AOPEP: variants seen among roughly 807,000 people sequenced by gnomAD.
AOPEP encodes the protein aminopeptidase O (putative).
AOPEP carries 77 observed loss-of-function variants against 98.1 expected under a neutral mutation model. The ratio of observed to expected loss-of-function variants is 0.78; its 90% CI spans 0.65 to 0.95. AOPEP has a LOEUF of 0.95. Ranked by LOEUF, AOPEP falls within the 40% of genes least tolerant of loss-of-function variation. The pLI is 0.00. For synonymous variants in AOPEP, 346 were observed against 365.3 expected (o/e 0.95, Z 0.60); for missense variants, 1,024 against 1,024.7 (o/e 1.00, Z 0.01).
At chr9:95,095,869 C>T in the AOPEP span, among the ~76,000 whole-genome samples, 33,584 of 151,924 alleles carry the variant, frequency 0.22, 4,812 homozygotes, top group Non-Finnish European at 0.32. Context: ...AGGGAGTGGC[C>T]GGGGCTGGAC....
At chr9:94,988,883 A>T (rs952698565) in intron 11 of AOPEP, among the ~76,000 whole-genome samples, 1 of 151,338 alleles carries the variant, frequency 6.6e-6, no homozygotes, top group African/African-American at 2.4e-5. Flanking sequence ...TCTGAAATAT[A>T]TTCTATCAAA....
At chr9:94,805,394 G>C (rs553571017) in intron 5 of AOPEP, among the ~76,000 whole-genome samples, 1 of 152,048 alleles carries the variant, frequency 6.6e-6, no homozygotes, top group East Asian at 1.9e-4. Flanking sequence ...TCTTTGCAAG[G>C]GTTTTTGACA....
intron 5 of AOPEP, among the ~76,000 whole-genome samples, chr9:94,854,118 G>A (rs1408090657): frequency 1.3e-5 from 2 of 152,216 alleles, no homozygotes; most frequent in African/African-American, 2.4e-5. Flanking sequence ...GTGGCAACCA[G>A]TAAGAAAGGA....
chr9:94,784,672 G>A (rs1229465954), intron 3 of AOPEP, among the ~76,000 whole-genome samples: 2 of 152,140 alleles, frequency 1.3e-5, no homozygotes, highest in African/African-American at 2.4e-5. Flanking sequence ...CTGGAGTACA[G>A]TGGTGCAATC....
chr9:94,856,467 A>C (rs971558878), intron 5 of AOPEP, among the ~76,000 whole-genome samples: 4 of 151,668 alleles, frequency 2.6e-5, no homozygotes, highest in Admixed American at 1.3e-4. Context: ...CATAGAGAAA[A>C]CCTGTATCTA....
chr9:94,741,829 T>C (rs1184729782), intron 1 of AOPEP, among the ~76,000 whole-genome samples: 1 of 152,202 alleles, frequency 6.6e-6, no homozygotes, highest in Non-Finnish European at 1.5e-5. Flanking sequence ...AGACCCAGGC[T>C]GATAGAACAA....
At chr9:94,929,162 G>C (rs888248584) in intron 7 of AOPEP, among the ~76,000 whole-genome samples, 4 of 152,208 alleles carry the variant, frequency 2.6e-5, no homozygotes, top group African/African-American at 9.7e-5. Flanking sequence ...CGGGAGCACT[G>C]TGGTTGCTAT....
chr9:94,777,707 C>T (rs1195137771), intron 3 of AOPEP, among the ~76,000 whole-genome samples: 2 of 137,822 alleles, frequency 1.5e-5, no homozygotes, highest in Non-Finnish European at 3.0e-5. Flanking sequence ...GATCTCAGCT[C>T]ACTGCAACCT....
intron 13 of AOPEP, chr9:95,022,061 T>C (rs972300977): frequency 1.3e-5 from 2 of 152,036 alleles, no homozygotes; most frequent in Non-Finnish European, 2.9e-5. Context: ...GAGAAGAGAG[T>C]AGTCGCAAGT....
chr9:94,950,400 A>G (rs569858350), intron 7 of AOPEP, among the ~76,000 whole-genome samples: 1 of 152,268 alleles, frequency 6.6e-6, no homozygotes, highest in South Asian at 2.1e-4. Flanking sequence ...CTTTTCACAG[A>G]TGAGGGAGCC....
chr9:94,807,870 A>C (rs1849575921), intron 5 of AOPEP, among the ~76,000 whole-genome samples: 2 of 152,210 alleles, frequency 1.3e-5, no homozygotes, highest in African/African-American at 4.8e-5. Context: ...TCCTCAGGCA[A>C]AGTACAATGT....
intron 13 of AOPEP, among the ~76,000 whole-genome samples, chr9:95,025,862 T>C (rs181872973): frequency 6.6e-6 from 1 of 152,292 alleles, no homozygotes; most frequent in African/African-American, 2.4e-5. Flanking sequence ...ATCACTGGAC[T>C]CTGCCAGTTC....
At chr9:95,004,074 A>G (rs187310344) in intron 11 of AOPEP, 50 of 349,130 alleles carry the variant, frequency 1.4e-4, no homozygotes, top group African/African-American at 1.1e-3. Context: ...TGAAAGAAGG[A>G]TGGAGTAGCA....
At chr9:95,069,463 A>G (rs1356649085) in intron 14 of AOPEP, among the ~76,000 whole-genome samples, 1 of 152,206 alleles carries the variant, frequency 6.6e-6, no homozygotes, top group Non-Finnish European at 1.5e-5. Context: ...ATGGATAGCC[A>G]TTCAATGAGA....
At chr9:94,799,361 T>C (rs985598754) in intron 4 of AOPEP, among the ~76,000 whole-genome samples, 5 of 150,368 alleles carry the variant, frequency 3.3e-5, no homozygotes, top group Non-Finnish European at 5.9e-5. Flanking sequence ...TTGAGACCAC[T>C]CTGGGTTACA....
intron 13 of AOPEP, among the ~76,000 whole-genome samples, chr9:95,036,568 T>A (rs2064838358): frequency 1.3e-5 from 2 of 152,324 alleles, no homozygotes; most frequent in East Asian, 3.9e-4. Flanking sequence ...ACTTGCTCTT[T>A]ATAAACAAGA....
intron 5 of AOPEP, among the ~76,000 whole-genome samples, chr9:94,916,651 C>T (rs1308746651): frequency 6.7e-6 from 1 of 149,776 alleles, no homozygotes; most frequent in Non-Finnish European, 1.5e-5. Context: ...TTGCAGTAAG[C>T]GCCAGTGCAC....
chr9:95,027,123 A>G (rs1448145552), intron 13 of AOPEP, among the ~76,000 whole-genome samples: 1 of 152,086 alleles, frequency 6.6e-6, no homozygotes, highest in Non-Finnish European at 1.5e-5. Flanking sequence ...TTAGCTGGAT[A>G]CGGTGGCATG....
the AOPEP span, among the ~76,000 whole-genome samples, chr9:95,092,680 T>TG: frequency 2.0e-4 from 30 of 152,290 alleles, no homozygotes; most frequent in African/African-American, 7.0e-4. Context: ...GGGGTGTGGG[T>TG]GGGGTGCTGA....
Sources: allele counts gnomAD v4.1 joint callset (sites outside exome capture counted in the v4.1 genomes callset), GRCh38; gene constraint gnomAD v4.1.1; transcripts MANE v1.5; gene names NCBI Gene and HGNC (gene_info 2026-07-23, HGNC 2026-07-21).